Variants in ZMAT4 observed in about 807,000 individuals in gnomAD.
The protein encoded by ZMAT4 is zinc finger matrin-type protein 4.
In ZMAT4, 17 loss-of-function variants were observed where a neutral mutation model predicts 28.7. The ratio of observed to expected loss-of-function variants is 0.59; its 90% confidence interval spans 0.41 to 0.89. The LOEUF (loss-of-function observed/expected upper bound fraction) is 0.89. Ranked by LOEUF, ZMAT4 falls within the 40% of genes least tolerant of loss-of-function variation. The pLI, the probability that ZMAT4 is intolerant of heterozygous loss-of-function variation, is 0.00. For synonymous variants in ZMAT4, 117 were observed against 109.2 expected (o/e 1.07, Z -0.44); for missense variants, 240 against 283.8 (o/e 0.85, Z 1.11).
At chr8:40,640,715 C>T (rs1758697472) in intron 5 of ZMAT4, among the ~76,000 whole-genome samples, 1 of 151,754 alleles carries the variant, frequency 6.6e-6, no homozygotes, top group African/African-American at 2.4e-5. Context: ...AATCCCAGCA[C>T]TTTGGGAGGT....
At chr8:40,645,561 A>G (rs895905034) in intron 5 of ZMAT4, among the ~76,000 whole-genome samples, 1 of 152,178 alleles carries the variant, frequency 6.6e-6, no homozygotes, top group African/African-American at 2.4e-5. Flanking sequence ...CTTTATGTCC[A>G]GCCATATTGT....
rs1271429764 is a variant in ZMAT4, at chr8:40,881,605, A to AAG, written c.-5+16077_-5+16078insCT. 7.9e-5 allele frequency among the ~76,000 whole-genome samples: 12 copies of AAG among 151,256 alleles called. 1 individual carries two copies. Among genetic ancestry groups the AAG allele is most frequent in the Admixed American group, 2.0e-4 (3 of 15,212 alleles). On this transcript the variant is annotated intron_variant, in intron 1 of 6. Transcript: ENST00000297737. ...AAGAAAGAAAGAAAGAAAGAAAAGA[A>AAG]AAGAAAAGAGAGAGAGAAAGAAAGA...
intron 1 of ZMAT4, among the ~76,000 whole-genome samples, chr8:40,893,585 C>T (rs149812388): frequency 3.3e-5 from 5 of 152,192 alleles, no homozygotes; most frequent in African/African-American, 1.2e-4. Flanking sequence ...CACTCTGCTC[C>T]CCATCCAAAC....
intron 1 of ZMAT4, among the ~76,000 whole-genome samples, chr8:40,845,547 T>C (rs1254889960): frequency 6.6e-6 from 1 of 151,840 alleles, no homozygotes; most frequent in Non-Finnish European, 1.5e-5. Flanking sequence ...AGGCAGATTA[T>C]AGCAGCCTTC....
At chr8:40,735,541 A>G (rs1304186132) in intron 3 of ZMAT4, among the ~76,000 whole-genome samples, 1 of 152,204 alleles carries the variant, frequency 6.6e-6, no homozygotes, top group Non-Finnish European at 1.5e-5. Flanking sequence ...AATAAAGGAT[A>G]TGAGTTAGAA....
At chr8:40,882,423 C>A (rs1199544824) in intron 1 of ZMAT4, among the ~76,000 whole-genome samples, 1 of 152,146 alleles carries the variant, frequency 6.6e-6, no homozygotes, top group East Asian at 1.9e-4. Context: ...AACGCAAAAA[C>A]CCTGGCCGGC....
intron 2 of ZMAT4, among the ~76,000 whole-genome samples, chr8:40,773,132 C>T (rs1328028446): frequency 6.6e-6 from 1 of 152,180 alleles, no homozygotes; most frequent in Non-Finnish European, 1.5e-5. Flanking sequence ...GAACTCTTTT[C>T]CAAATGGATG....
intron 1 of ZMAT4, among the ~76,000 whole-genome samples, chr8:40,840,335 C>A (rs533289431): frequency 1.3e-4 from 20 of 152,140 alleles, no homozygotes; most frequent in African/African-American, 2.4e-5. Context: ...TTCAGCTCCA[C>A]GACTCCCCAT....
intron 1 of ZMAT4, among the ~76,000 whole-genome samples, chr8:40,843,958 A>G (rs965710246): frequency 6.6e-6 from 1 of 152,168 alleles, no homozygotes; most frequent in African/African-American, 2.4e-5. Context: ...TTTATAGGCT[A>G]TGTACACAGT....
At chr8:40,659,229 G>A (rs1260523425) in intron 5 of ZMAT4, among the ~76,000 whole-genome samples, 1 of 152,186 alleles carries the variant, frequency 6.6e-6, no homozygotes, top group Non-Finnish European at 1.5e-5. Flanking sequence ...TCCTAAGTGT[G>A]CACTTTAAAG....
chr8:40,621,786 A>G (rs1806208445), intron 5 of ZMAT4, among the ~76,000 whole-genome samples: 1 of 152,190 alleles, frequency 6.6e-6, no homozygotes, highest in African/African-American at 2.4e-5. Context: ...CAGATCTGTG[A>G]GAGCCACTCA....
At chr8:40,858,738 G>A (rs1381800978) in intron 1 of ZMAT4, among the ~76,000 whole-genome samples, 2 of 152,120 alleles carry the variant, frequency 1.3e-5, no homozygotes, top group Admixed American at 1.3e-4. Flanking sequence ...GTACTAGCAA[G>A]GTCCTCTCAT....
intron 1 of ZMAT4, among the ~76,000 whole-genome samples, chr8:40,875,328 C>T (rs1586205013): frequency 6.6e-6 from 1 of 152,130 alleles, no homozygotes; most frequent in African/African-American, 2.4e-5. Context: ...CAGGACCAAC[C>T]CCCCAGGTGT....
intron 2 of ZMAT4, among the ~76,000 whole-genome samples, chr8:40,816,647 A>C (rs538317527): frequency 4.5e-4 from 69 of 152,344 alleles, no homozygotes; most frequent in African/African-American, 1.6e-3. Flanking sequence ...TTACAGTTGT[A>C]GGAAAACCAG....
intron 1 of ZMAT4, among the ~76,000 whole-genome samples, chr8:40,827,175 G>A (rs75944366): frequency 0.036 from 5,518 of 152,098 alleles, 228 homozygotes; most frequent in East Asian, 0.21. Flanking sequence ...GCTACCACAT[G>A]GCATTGGATG....
chr8:40,632,803 T>C (rs975943036), intron 5 of ZMAT4, among the ~76,000 whole-genome samples: 2 of 152,222 alleles, frequency 1.3e-5, no homozygotes, highest in African/African-American at 4.8e-5. Context: ...AGCAAAAGAA[T>C]GCAACCATGT....
chr8:40,869,688 A>G (rs759623974), intron 1 of ZMAT4, among the ~76,000 whole-genome samples: 2 of 152,244 alleles, frequency 1.3e-5, no homozygotes, highest in African/African-American at 2.4e-5. Flanking sequence ...ATGTGAGTGA[A>G]TCATGTGCAT....
At chr8:40,746,258 TCCCTC>T (rs1812216400) in intron 3 of ZMAT4, among the ~76,000 whole-genome samples, 19 of 98,398 alleles carry the variant, frequency 1.9e-4, no homozygotes, top group Admixed American at 1.3e-4. Flanking sequence ...CCTCCCTCCC[TCCCTC>T]CCTTCCTTCC....
At chr8:40,555,768 G>A (rs973518008) in intron 6 of ZMAT4, among the ~76,000 whole-genome samples, 1 of 152,040 alleles carries the variant, frequency 6.6e-6, no homozygotes, top group African/African-American at 2.4e-5. Context: ...TTCACTAGAT[G>A]AATAATAGAC....
Sources: allele counts gnomAD v4.1 joint callset (sites outside exome capture counted in the v4.1 genomes callset), GRCh38; gene constraint gnomAD v4.1.1; transcripts MANE v1.5; gene names NCBI Gene and HGNC (gene_info 2026-07-23, HGNC 2026-07-21).